SPAG16: variants seen among roughly 807,000 people sequenced by gnomAD.
SPAG16 encodes the protein sperm associated antigen 16, also known as sperm-associated antigen 16 protein.
Under a neutral mutation model 80.4 loss-of-function variants are expected in SPAG16, and 86 were observed. That is an observed-to-expected ratio of 1.07 (90% CI 0.90 to 1.28). The LOEUF (loss-of-function observed/expected upper bound fraction) is 1.28, where lower values mean the gene tolerates loss of function less well. SPAG16 is among the 50% of genes most tolerant of loss of function. The probability of loss-of-function intolerance (pLI) is 0.00; values close to 1 mark genes in which losing one functional copy is unlikely to be tolerated. For synonymous variants in SPAG16, 294 were observed against 265.9 expected, an observed-to-expected ratio of 1.11 and a Z score of -1.03; for missense variants, 870 against 765.3, an observed-to-expected ratio of 1.14 and a Z score of -1.61.
intron 15 of SPAG16, among the ~76,000 whole-genome samples, chr2:214,170,987 A>T (rs1016340444): frequency 1.1e-4 from 17 of 152,052 alleles, no homozygotes; most frequent in Non-Finnish European, 1.8e-4. Context: ...GCTGCCATAT[A>T]GCACTGTGAT....
At chr2:213,664,629 T>A (rs770111380) in intron 10 of SPAG16, among the ~76,000 whole-genome samples, 9 of 152,110 alleles carry the variant, frequency 5.9e-5, no homozygotes, top group Non-Finnish European at 1.0e-4. Flanking sequence ...AGTTCTGGAA[T>A]GTCACCATTA....
intron 4 of SPAG16, among the ~76,000 whole-genome samples, chr2:213,316,094 A>G (rs540207904): frequency 2.0e-5 from 3 of 152,090 alleles, no homozygotes; most frequent in African/African-American, 7.2e-5. Flanking sequence ...CTGAACATGT[A>G]TACTCAACGT....
At chr2:214,125,045 CT>C (rs771394603) in intron 14 of SPAG16, among the ~76,000 whole-genome samples, 7 of 150,494 alleles carry the variant, frequency 4.7e-5, no homozygotes, top group Admixed American at 1.4e-4. Context: ...TATATGTTTT[CT>C]TTTTTTTTAA....
chr2:214,130,409 T>G (rs1341973955), intron 14 of SPAG16, among the ~76,000 whole-genome samples: 1 of 152,172 alleles, frequency 6.6e-6, no homozygotes, highest in Non-Finnish European at 1.5e-5. Flanking sequence ...CAGTCAGCCA[T>G]GAAGACTTCA....
chr2:213,661,438 T>C (rs370411190), intron 10 of SPAG16, among the ~76,000 whole-genome samples: 1 of 152,346 alleles, frequency 6.6e-6, no homozygotes, highest in African/African-American at 2.4e-5. Context: ...AATCAGATTG[T>C]ATTAAAGTAT....
At chr2:214,284,769 C>G (rs894077891) in intron 15 of SPAG16, among the ~76,000 whole-genome samples, 5 of 151,504 alleles carry the variant, frequency 3.3e-5, no homozygotes, top group Admixed American at 2.6e-4. Context: ...CCAATAAACT[C>G]ATTTTTAAGG....
intron 15 of SPAG16, chr2:214,311,595 A>G (rs945052752): frequency 6.6e-6 from 1 of 152,100 alleles, no homozygotes. Flanking sequence ...TCTGGGGTCA[A>G]TCTCTGCCAG....
intron 5 of SPAG16, among the ~76,000 whole-genome samples, chr2:213,336,854 C>T (rs774637328): frequency 1.2e-4 from 18 of 152,250 alleles, no homozygotes; most frequent in African/African-American, 2.9e-4. Context: ...GCAGCACACC[C>T]GCTCCACCAA....
chr2:214,155,922 T>C lies in SPAG16; in HGVS notation c.1720+6656T>C, dbSNP rs576625032. Among the ~76,000 whole-genome samples, 4 of 152,246 alleles carry C rather than the reference T, an allele frequency of 2.6e-5. No individual in the cohort carries two copies. The East Asian group carries it at 7.7e-4, about 29-fold the overall frequency. The stretch of plus-strand genomic sequence containing the variant: ...GTCACCTAGCTGATTAAATGTGGAG[T>C]TGAAATTCAAATCCAGAGTCTAAAT... On this transcript the variant is annotated intron_variant, in intron 15 of 15. Transcript: ENST00000331683.
intron 7 of SPAG16, among the ~76,000 whole-genome samples, chr2:213,353,327 C>A (rs375025474): frequency 2.6e-5 from 4 of 152,176 alleles, no homozygotes; most frequent in African/African-American, 9.7e-5. Flanking sequence ...TTTCCATGTA[C>A]CCCACTGAGG....
chr2:213,994,604 G>T (rs2046431031), intron 12 of SPAG16, among the ~76,000 whole-genome samples: 1 of 149,860 alleles, frequency 6.7e-6, no homozygotes. Context: ...TACAACATTA[G>T]GGGAAAATAA....
chr2:213,426,047 A>G (rs1179639940), intron 9 of SPAG16, among the ~76,000 whole-genome samples: 1 of 152,220 alleles, frequency 6.6e-6, no homozygotes, highest in African/African-American at 2.4e-5. Flanking sequence ...TATTTTAACT[A>G]GTATTTCTTC....
intron 15 of SPAG16, among the ~76,000 whole-genome samples, chr2:214,177,783 T>G (rs1354029308): frequency 6.7e-6 from 1 of 148,826 alleles, no homozygotes; most frequent in Non-Finnish European, 1.5e-5. Context: ...ACAATGAAGT[T>G]TTATAATAAT....
rs548486107 is a variant in SPAG16, at chr2:214,087,654, G to C, written c.1528-20542G>C. On this transcript the variant is annotated intron_variant, in intron 13 of 15. Coordinates refer to ENST00000331683, the MANE Select transcript of SPAG16 (RefSeq NM_024532.5). ...CAAAAAGAGACAGAAAGCCAGAGGA[G>C]ATGAGAACCTAATTCCTATTCAACA... 4.6e-5 allele frequency among the ~76,000 whole-genome samples: 7 copies of C among 152,240 alleles called. No homozygotes were observed. In the South Asian group the frequency reaches 1.5e-3, roughly 32 times the overall value.
chr2:213,294,156 C>T (rs1436445081), intron 1 of SPAG16, among the ~76,000 whole-genome samples: 1 of 152,038 alleles, frequency 6.6e-6, no homozygotes, highest in Non-Finnish European at 1.5e-5. Flanking sequence ...TTTTAGATTC[C>T]ACATATAAGT....
At chr2:213,352,604 T>C (rs1283135337) in intron 7 of SPAG16, among the ~76,000 whole-genome samples, 1 of 152,238 alleles carries the variant, frequency 6.6e-6, no homozygotes, top group Non-Finnish European at 1.5e-5. Flanking sequence ...CCAGTTGTGT[T>C]GTAAAACACC....
intron 10 of SPAG16, among the ~76,000 whole-genome samples, chr2:213,599,318 G>A (rs1406730062): frequency 6.6e-6 from 1 of 152,110 alleles, no homozygotes; most frequent in Non-Finnish European, 1.5e-5. Flanking sequence ...CTATTCCCAA[G>A]CTCAACTGAC....
chr2:213,885,672 A>G (rs567781265), intron 11 of SPAG16, among the ~76,000 whole-genome samples: 1 of 152,222 alleles, frequency 6.6e-6, no homozygotes, highest in Non-Finnish European at 1.5e-5. Context: ...AAGTTAATCT[A>G]TAATGGAAGT....
chr2:213,899,913 G>A (rs1390727836), intron 11 of SPAG16, among the ~76,000 whole-genome samples: 1 of 152,086 alleles, frequency 6.6e-6, no homozygotes, highest in Non-Finnish European at 1.5e-5. Flanking sequence ...TCACAAGTTT[G>A]TGAAAAACAA....
Sources: gnomAD v4.1 joint callset for allele counts (sites outside exome capture counted in the v4.1 genomes callset) on GRCh38, gnomAD v4.1.1 for gene constraint, MANE v1.5 for transcripts, NCBI Gene and HGNC (gene_info 2026-07-23, HGNC 2026-07-21) for gene names.